TTLL11: variants seen among roughly 807,000 people sequenced by gnomAD.
The protein encoded by TTLL11 is tubulin tyrosine ligase like 11.
A neutral mutation model predicts 51.7 loss-of-function variants in TTLL11; 42 were observed. The ratio of observed to expected loss-of-function variants is 0.81; its 90% CI spans 0.64 to 1.05. The LOEUF (loss-of-function observed/expected upper bound fraction) is 1.05. Ranked by LOEUF, TTLL11 falls within the 50% of genes least tolerant of loss-of-function variation. The pLI, the probability that TTLL11 is intolerant of heterozygous loss-of-function variation, is 0.00. For synonymous variants in TTLL11, 381 were observed against 383.5 expected (o/e 0.99, Z 0.08); for missense variants, 799 against 940.4 (o/e 0.85, Z 1.97).
chr9:121,888,332 C>T (rs7871736), intron 6 of TTLL11, among the ~76,000 whole-genome samples: 74,652 of 152,104 alleles, frequency 0.49, 18,485 homozygotes, highest in Middle Eastern at 0.6. Flanking sequence ...GTTCAAGGTC[C>T]TCATTCTGCC....
chr9:121,871,224 G>GT (rs753453916), intron 6 of TTLL11, among the ~76,000 whole-genome samples: 1,872 of 144,916 alleles, frequency 0.013, 35 homozygotes, highest in African/African-American at 0.04. Context: ...TGGCTTAACT[G>GT]TTTTTTTTTT....
rs779103259 is a variant in TTLL11, at chr9:122,031,872, G to A, written c.560-16C>T. On this transcript the variant is annotated splice_polypyrimidine_tract_variant and intron_variant, in intron 2 of 8. Transcript: ENST00000321582. ...TCCGTCATGCCTGGGGAGAAGAGACGCTGTGAGGTTTTAACAACAGTGGGC... is the reference window on the plus strand; with the variant it reads ...TCCGTCATGCCTGGGGAGAAGAGACACTGTGAGGTTTTAACAACAGTGGGC... The A allele has an allele frequency of 2.0e-5, 32 of 1,608,878 alleles. No homozygotes were observed. In the Middle Eastern group the frequency reaches 4.9e-4, roughly 25 times the overall value.
At chr9:121,985,972 C>T (rs1446559301) in intron 4 of TTLL11, among the ~76,000 whole-genome samples, 2 of 152,184 alleles carry the variant, frequency 1.3e-5, no homozygotes, top group African/African-American at 4.8e-5. Flanking sequence ...AGGTGATTTA[C>T]AGAGAAAGAA....
intron 7 of TTLL11, among the ~76,000 whole-genome samples, chr9:121,861,448 A>C (rs2131381792): frequency 7.0e-6 from 1 of 143,686 alleles, no homozygotes; most frequent in Middle Eastern, 3.8e-3. Flanking sequence ...AAAACATTTC[A>C]CCTTTCTGAG....
intron 6 of TTLL11, among the ~76,000 whole-genome samples, chr9:121,950,811 T>C (rs1841829973): frequency 6.6e-6 from 1 of 152,168 alleles, no homozygotes; most frequent in African/African-American, 2.4e-5. Flanking sequence ...ACACGAGCTC[T>C]GGGATGAACC....
chr9:122,070,761 C>T (rs965490040), intron 1 of TTLL11, among the ~76,000 whole-genome samples: 4 of 152,256 alleles, frequency 2.6e-5, no homozygotes, highest in Admixed American at 6.5e-5. Flanking sequence ...AGCCTTCATC[C>T]GGCTGTGTGT....
Position 121,870,762 on chromosome 9 carries a change from A to C in TTLL11, c.1482-14T>G. Reference sequence around the variant, plus strand: ...AGCTGCTGAGACCTGAAGCACACAAAGAATTAATGATATAACACTTTCCCT... The same window carrying C: ...AGCTGCTGAGACCTGAAGCACACAACGAATTAATGATATAACACTTTCCCT... On this transcript the variant is annotated splice_polypyrimidine_tract_variant and intron_variant, in intron 6 of 8. Transcript: ENST00000321582. The C allele has an allele frequency of 2.0e-6, 3 of 1,524,018 alleles. No individual in the cohort carries two copies. The highest frequency in any genetic ancestry group is 2.7e-6 in the Non-Finnish European group (3 of 1,131,698). 94.4% of individuals were successfully genotyped at this position (1,524,018 alleles called of 1,614,324 possible).
chr9:121,826,184 C>CCATA (rs1491277758), intron 8 of TTLL11, among the ~76,000 whole-genome samples: 531 of 51,078 alleles, frequency 0.01, 75 homozygotes, highest in African/African-American at 0.045. Flanking sequence ...AACCAGTAAC[C>CCATA]TATATATATA....
intron 6 of TTLL11, among the ~76,000 whole-genome samples, chr9:121,921,982 C>T (rs569004666): frequency 1.3e-5 from 2 of 152,304 alleles, no homozygotes; most frequent in Admixed American, 1.3e-4. Context: ...TTCATCTGTG[C>T]TTCAAGGATC....
chr9:121,939,772 A>T lies in TTLL11; in HGVS notation c.1481+34237T>A, dbSNP rs189235040. Among the ~76,000 whole-genome samples the T allele has an allele frequency of 2.0e-5, 3 of 152,310 alleles. No individual in the cohort carries two copies. The East Asian group carries it at 5.8e-4, about 29-fold the overall frequency. On this transcript the variant is annotated intron_variant, in intron 6 of 8. Transcript: ENST00000321582. ...AGCACTGAGATAATCGCTGGTGCTC[A>T]TCGTACCCCATTTCCTGCACCCAGC...
At chr9:121,880,004 G>T (rs1195392291) in intron 6 of TTLL11, among the ~76,000 whole-genome samples, 1 of 151,738 alleles carries the variant, frequency 6.6e-6, no homozygotes, top group Non-Finnish European at 1.5e-5. Flanking sequence ...AGAAAAAGAA[G>T]AAAAAAAATG....
chr9:121,847,203 G>A (rs1356736666), intron 8 of TTLL11, among the ~76,000 whole-genome samples: 3 of 86,288 alleles, frequency 3.5e-5, no homozygotes, highest in East Asian at 3.3e-4. Flanking sequence ...GCGAGACTCC[G>A]TCTCAAAAAA....
At chr9:122,071,412 T>C (rs992105996) in intron 1 of TTLL11, among the ~76,000 whole-genome samples, 10 of 152,102 alleles carry the variant, frequency 6.6e-5, no homozygotes, top group Non-Finnish European at 1.3e-4. Context: ...TGGGTCGCTG[T>C]CTCTCTCTGC....
chr9:122,092,341 G>A (rs1001779409), intron 1 of TTLL11, among the ~76,000 whole-genome samples: 5 of 152,158 alleles, frequency 3.3e-5, no homozygotes, highest in Non-Finnish European at 5.9e-5. Flanking sequence ...GTGAGAGAGC[G>A]GGTCCGGGGC....
chr9:122,083,768 T>A (rs1438053222), intron 1 of TTLL11, among the ~76,000 whole-genome samples: 1 of 151,792 alleles, frequency 6.6e-6, no homozygotes, highest in African/African-American at 2.4e-5. Context: ...CAAGATTGCA[T>A]CACTGCACTC....
In TTLL11 at chr9:122,075,189, C is replaced by A. The variant is rs114177206; in HGVS notation, c.462+17498G>T. On this transcript the variant is annotated intron_variant, in intron 1 of 8. Transcript: ENST00000321582. The stretch of plus-strand genomic sequence containing the variant: ...CAAATTTGCTATTGATATGTAAGTA[C>A]TATATTGATGAATTTAATATTCTTT... Among the ~76,000 whole-genome samples, 738 of 152,266 alleles carry A rather than the reference C, an allele frequency of 4.8e-3. 3 individuals are homozygous for A. The highest frequency in any genetic ancestry group is 0.015 in the African/African-American group (624 of 41,548).
intron 8 of TTLL11, among the ~76,000 whole-genome samples, chr9:121,840,546 C>T (rs1312652922): frequency 2.0e-5 from 3 of 152,180 alleles, no homozygotes; most frequent in Admixed American, 2.0e-4. Context: ...TATGCAATTG[C>T]CACCATGCTT....
chr9:121,922,005 C>T (rs539571279), intron 6 of TTLL11, among the ~76,000 whole-genome samples: 2 of 152,282 alleles, frequency 1.3e-5, no homozygotes, highest in East Asian at 3.9e-4. Flanking sequence ...GAGATAACAT[C>T]TTCAAGGAGC....
intron 6 of TTLL11, among the ~76,000 whole-genome samples, chr9:121,957,339 G>C (rs1338836566): frequency 6.6e-6 from 1 of 152,132 alleles, no homozygotes; most frequent in East Asian, 1.9e-4. Context: ...CTACAGACTT[G>C]ATCATTTGAG....
Sources: allele counts gnomAD v4.1 joint callset (sites outside exome capture counted in the v4.1 genomes callset), GRCh38; gene constraint gnomAD v4.1.1; transcripts MANE v1.5; gene names NCBI Gene and HGNC (gene_info 2026-07-23, HGNC 2026-07-21).